KIRREL3: variants seen among roughly 807,000 people sequenced by gnomAD.
KIRREL3 encodes the protein kirre like nephrin family adhesion molecule 3, also known as kin of IRRE-like protein 3.
KIRREL3 carries 36 observed loss-of-function variants against 89.7 expected under a neutral mutation model. The observed-to-expected ratio is 0.40, with a 90% CI of 0.31 to 0.53. KIRREL3 has a LOEUF of 0.53. KIRREL3 is among the 20% of genes least tolerant of loss of function. The probability of loss-of-function intolerance (pLI) is 0.49; values close to 1 mark genes in which losing one functional copy is unlikely to be tolerated. For missense variants in KIRREL3, 864 were observed against 1,056.6 expected, an observed-to-expected ratio of 0.82 and a Z score of 2.53; for synonymous variants, 445 against 441.4, an observed-to-expected ratio of 1.01 and a Z score of -0.10.
In KIRREL3 at chr11:126,877,259, T is replaced by G. The variant is rs183630411; in HGVS notation, c.55+123196A>C. On this transcript the variant is annotated intron_variant, in intron 1 of 16. Coordinates refer to ENST00000525144, the MANE Select transcript of KIRREL3 (RefSeq NM_032531.4). The surrounding 1 kb of genome is among the most constrained non-coding windows in gnomAD (Gnocchi z 4.9). ...TTCTCTTCTCCAGCCAGCCAAGAGC[T>G]GCATTACATCTGGAACTGGGCTCAG... Among the ~76,000 whole-genome samples, 164 of 152,370 alleles carry G rather than the reference T, an allele frequency of 1.1e-3. No individual in the cohort carries two copies. Among genetic ancestry groups the G allele is most frequent in the African/African-American group, 3.8e-3 (158 of 41,592 alleles).
At chr11:126,637,051 G>A (rs1285242021) in intron 1 of KIRREL3, among the ~76,000 whole-genome samples, 1 of 152,088 alleles carries the variant, frequency 6.6e-6, no homozygotes, top group Non-Finnish European at 1.5e-5. Context: ...TTAGGGGAGG[G>A]GTAGAGATCA....
rs1421878592 is a variant in KIRREL3 at position 126,576,650 on chromosome 11, T to G, written c.56-13738A>C. Among the ~76,000 whole-genome samples the G allele has an allele frequency of 6.6e-6, 1 of 152,214 alleles. No homozygotes were observed. Among genetic ancestry groups the G allele is most frequent in the Non-Finnish European group, 1.5e-5 (1 of 68,040 alleles). On this transcript the variant is annotated intron_variant, in intron 1 of 16. Transcript: ENST00000525144. The surrounding 1 kb of genome is among the most constrained non-coding windows in gnomAD (Gnocchi z 5.4). Reference sequence around the variant, plus strand: ...TGTGCCACCCACCACAGCTTGGCCTTGCATGGCTGGTGCTTGGTACCACCA... The same window carrying G: ...TGTGCCACCCACCACAGCTTGGCCTGGCATGGCTGGTGCTTGGTACCACCA...
In KIRREL3 at chr11:126,531,948, A is replaced by T. The variant is rs1958956753; in HGVS notation, c.134-5261T>A. On this transcript the variant is annotated intron_variant, in intron 2 of 16. Coordinates refer to ENST00000525144, the MANE Select transcript of KIRREL3 (RefSeq NM_032531.4). The surrounding 1 kb of genome is among the most constrained non-coding windows in gnomAD (Gnocchi z 4.7). ...ACTACAGGAAAATTGCTTTTGCATT[A>T]TGAACTACTAACCCGGCAGATACTG... is the stretch of plus-strand genomic sequence containing the variant. Among the ~76,000 whole-genome samples the T allele has an allele frequency of 1.3e-5, 2 of 152,174 alleles. No homozygotes were observed.
chr11:126,533,446 T>A (rs1959003387), intron 2 of KIRREL3, among the ~76,000 whole-genome samples: 1 of 152,196 alleles, frequency 6.6e-6, no homozygotes, highest in African/African-American at 2.4e-5. Flanking sequence ...GTACACTAGC[T>A]CACTTCATCA....
At position 126,475,449 on chromosome 11, in the gene KIRREL3, C is replaced by T. The variant is rs117064356; in HGVS notation, c.434-1983G>A. ...GAACAGCTGCCTTGCCCTCCCTGCC[C>T]GGCCTTGGAGGCCTGCTCCCACACT... On this transcript the variant is annotated intron_variant, in intron 4 of 16. Transcript: ENST00000525144. This position sits in a 1 kb window ranked among gnomAD's most constrained non-coding sequence, Gnocchi z 7.5. 0.016 allele frequency among the ~76,000 whole-genome samples: 2,378 copies of T among 152,350 alleles called. 32 individuals are homozygous for T. The highest frequency in any genetic ancestry group is 0.038 in the South Asian group (184 of 4,822).
chr11:126,681,909 G>A (rs1946474652), intron 1 of KIRREL3: 1 of 454,876 alleles, frequency 2.2e-6, no homozygotes. Flanking sequence ...ATGAAATCAT[G>A]CAACAGAAAG....
rs1949825392 is a variant in KIRREL3, at chr11:126,766,392, G to A, written c.56-203480C>T. ...GAAGAAAAAACTTGGGGAGAGAGGGGTAGAGTTAGAATCTTCTGCTATTTT... is the reference window on the plus strand; with the variant it reads ...GAAGAAAAAACTTGGGGAGAGAGGGATAGAGTTAGAATCTTCTGCTATTTT... On this transcript the variant is annotated intron_variant, in intron 1 of 16. Transcript: ENST00000525144. The surrounding 1 kb of genome is among the most constrained non-coding windows in gnomAD (Gnocchi z 4.2). Among the ~76,000 whole-genome samples, 2 of 152,106 alleles carry A rather than the reference G, an allele frequency of 1.3e-5. No individual in the cohort carries two copies. Among genetic ancestry groups the A allele is most frequent in the Admixed American group, 1.3e-4 (2 of 15,268 alleles).
At chr11:126,964,076 A>G (rs935884608) in intron 1 of KIRREL3, among the ~76,000 whole-genome samples, 10 of 152,226 alleles carry the variant, frequency 6.6e-5, no homozygotes, top group Non-Finnish European at 1.2e-4. Context: ...ATCTCTAGCA[A>G]TTAGTGGGCA....
At chr11:126,886,299 C>G (rs889054262) in intron 1 of KIRREL3, among the ~76,000 whole-genome samples, 4 of 152,186 alleles carry the variant, frequency 2.6e-5, no homozygotes, top group African/African-American at 9.7e-5. Flanking sequence ...TTTTCAGCAG[C>G]CCCACACTGC....
chr11:126,790,841 C>A (rs1950617908), intron 1 of KIRREL3, among the ~76,000 whole-genome samples: 1 of 152,202 alleles, frequency 6.6e-6, no homozygotes, highest in Non-Finnish European at 1.5e-5. Context: ...GCATCTACCA[C>A]AAGCTGGGCT....
chr11:126,959,387 G>T (rs944398786), intron 1 of KIRREL3, among the ~76,000 whole-genome samples: 1 of 151,986 alleles, frequency 6.6e-6, no homozygotes, highest in African/African-American at 2.4e-5. Flanking sequence ...ACACACAATT[G>T]GTTCTATTTT....
In KIRREL3 at chr11:126,594,901, C is replaced by A. The variant is rs745383285; in HGVS notation, c.56-31989G>T. On this transcript the variant is annotated intron_variant, in intron 1 of 16. Transcript: ENST00000525144. The surrounding 1 kb of genome is among the most constrained non-coding windows in gnomAD (Gnocchi z 5.0). ...CAGCGTTTTGCCCCAGTTGGCCTTC[C>A]GCCCCTGGGAGGGGGAACAATGTCT... Among the ~76,000 whole-genome samples the A allele has an allele frequency of 6.6e-6, 1 of 152,246 alleles. No individual in the cohort carries two copies. The highest frequency in any genetic ancestry group is 2.4e-5 in the African/African-American group (1 of 41,474).
Position 126,719,620 on chromosome 11 carries a change from A to C in KIRREL3, c.56-156708T>G, listed in dbSNP as rs758585595. On this transcript the variant is annotated intron_variant, in intron 1 of 16. Transcript: ENST00000525144. This position sits in a 1 kb window ranked among gnomAD's most constrained non-coding sequence, Gnocchi z 4.7. ...TTCACCACACAGCCCCTCCCGCTAG[A>C]TCCTGTCAAAATCATCCCTATCTCA... 3.3e-5 allele frequency among the ~76,000 whole-genome samples: 5 copies of C among 152,114 alleles called. No homozygotes were observed. The highest frequency in any genetic ancestry group is 7.4e-5 in the Non-Finnish European group (5 of 68,024).
chr11:126,489,377 C>T lies in KIRREL3; in HGVS notation c.434-15911G>A, dbSNP rs950649097. Among the ~76,000 whole-genome samples the T allele has an allele frequency of 6.6e-6, 1 of 152,142 alleles. No homozygotes were observed. Among genetic ancestry groups the T allele is most frequent in the African/African-American group, 2.4e-5 (1 of 41,414 alleles). On this transcript the variant is annotated intron_variant, in intron 4 of 16. Transcript: ENST00000525144. The surrounding 1 kb of genome is among the most constrained non-coding windows in gnomAD (Gnocchi z 5.5). ...AATGATGGAAGGGTAAGAAGAGACG[C>T]CTGCATCAGGTGGGAGTTAGGTGGG...
rs188232814 is a variant in KIRREL3, at chr11:126,749,986, A to C, written c.56-187074T>G. Among the ~76,000 whole-genome samples the C allele has an allele frequency of 2.0e-3, 303 of 152,328 alleles. 1 individual carries two copies. The highest frequency in any genetic ancestry group is 3.1e-3 in the Non-Finnish European group (211 of 68,024). On this transcript the variant is annotated intron_variant, in intron 1 of 16. Transcript: ENST00000525144. ...TTTCAGGTCTGCTCATCTGTTTACT[A>C]GAAATGAGTGGTTCTGGATGAAGTT...
chr11:126,849,574 G>C (rs1483810723), intron 1 of KIRREL3, among the ~76,000 whole-genome samples: 1 of 152,166 alleles, frequency 6.6e-6, no homozygotes, highest in Non-Finnish European at 1.5e-5. Flanking sequence ...CTCAGGTAGA[G>C]GCTTTCTATT....
rs1045311089 is a variant in KIRREL3 at position 126,903,583 on chromosome 11, C to G, written c.55+96872G>C. ...GCCTTGACTGCTGAGTTTATTACTA[C>G]CCATAACCCTGGCCTAAGTGGAAAC... On this transcript the variant is annotated intron_variant, in intron 1 of 16. Coordinates refer to ENST00000525144, the MANE Select transcript of KIRREL3 (RefSeq NM_032531.4). This position sits in a 1 kb window ranked among gnomAD's most constrained non-coding sequence, Gnocchi z 4.5. Among the ~76,000 whole-genome samples, 2 of 152,190 alleles carry G rather than the reference C, an allele frequency of 1.3e-5. No homozygotes were observed. The highest frequency in any genetic ancestry group is 1.3e-4 in the Admixed American group (2 of 15,268).
chr11:126,995,234 G>T lies in KIRREL3; in HGVS notation c.55+5221C>A. ...CTGCTCCAAGAGTGCTGGGATGTCCGCTGGCCTCGAGGCAAGACAAGAGCT... is the reference window on the plus strand; with the variant it reads ...CTGCTCCAAGAGTGCTGGGATGTCCTCTGGCCTCGAGGCAAGACAAGAGCT... On this transcript the variant is annotated intron_variant, in intron 1 of 16. Coordinates refer to ENST00000525144, the MANE Select transcript of KIRREL3 (RefSeq NM_032531.4). This position sits in a 1 kb window ranked among gnomAD's most constrained non-coding sequence, Gnocchi z 6.5. 1 of 456,102 alleles carries T rather than the reference G, an allele frequency of 2.2e-6. No individual in the cohort carries two copies. Among genetic ancestry groups the T allele is most frequent in the Non-Finnish European group, 4.4e-6 (1 of 226,926 alleles). The allele number at this position is 456,102 out of a possible 1,614,324, so 28.3% of individuals were successfully genotyped here. A position where few individuals can be genotyped will look rare whatever the true frequency, so the allele number is the denominator to read the frequency against.
chr11:126,480,151 G>C (rs912185947), intron 4 of KIRREL3, among the ~76,000 whole-genome samples: 1 of 152,198 alleles, frequency 6.6e-6, no homozygotes, highest in African/African-American at 2.4e-5. Context: ...AACTTGACTT[G>C]AGTCGATCAC....
Sources: allele counts gnomAD v4.1 joint callset (sites outside exome capture counted in the v4.1 genomes callset), GRCh38; gene constraint gnomAD v4.1.1; non-coding constraint Gnocchi (gnomAD v3.1); transcripts MANE v1.5; gene names NCBI Gene and HGNC (gene_info 2026-07-23, HGNC 2026-07-21).